MYLK: variants seen among roughly 807,000 people sequenced by gnomAD.
The protein encoded by MYLK is myosin light chain kinase.
MYLK carries 106 observed loss-of-function variants against 203.4 expected under a neutral mutation model. The ratio of observed to expected loss-of-function variants is 0.52; its 90% confidence interval spans 0.45 to 0.61. The LOEUF is 0.61. Ranked by LOEUF, MYLK falls within the 20% of genes least tolerant of loss-of-function variation. The pLI is 0.00. For synonymous variants in MYLK, 867 were observed against 959.5 expected, an observed-to-expected ratio of 0.90 and a Z score of 1.78; for missense variants, 2,072 against 2,442.3, an observed-to-expected ratio of 0.85 and a Z score of 3.20.
At chr3:123,758,064 A>G (rs973865461) in intron 4 of MYLK, among the ~76,000 whole-genome samples, 5 of 151,776 alleles carry the variant, frequency 3.3e-5, no homozygotes, top group Admixed American at 2.6e-4. Flanking sequence ...AAAAAAAAAA[A>G]GAAGGAAAAC....
intron 18 of MYLK, 30 bp from the exon 19 acceptor site, chr3:123,692,881 G>A: frequency 6.3e-7 from 1 of 1,589,388 alleles, no homozygotes; most frequent in Non-Finnish European, 8.6e-7. Context: ...GAGTGAACCA[G>A]GTGTGGTCGT....
At chr3:123,782,890 T>C (rs572202871) in intron 4 of MYLK, among the ~76,000 whole-genome samples, 1 of 152,316 alleles carries the variant, frequency 6.6e-6, no homozygotes, top group South Asian at 2.1e-4. Context: ...TTCATACAGT[T>C]CCAAATCCTC....
intron 24 of MYLK, among the ~76,000 whole-genome samples, chr3:123,656,493 C>T (rs1248770500): frequency 6.6e-6 from 1 of 152,204 alleles, no homozygotes; most frequent in Non-Finnish European, 1.5e-5. Context: ...GCTTTGTAAC[C>T]TTTGCTCATG....
rs41431347 is a variant in MYLK at position 123,649,196 on chromosome 3, T to TGG, written c.4289-4_4289-3dup. On this transcript the variant is annotated splice_polypyrimidine_tract_variant and splice_region_variant and intron_variant, in intron 24 of 33. Coordinates refer to ENST00000360304, the MANE Select transcript of MYLK (RefSeq NM_053025.4). ...ACACCTCCACTTCATCCTTCGGCTC[T>TGG]GGGGGGGGCACAAGGAAGGACAGAG... 9.0e-5 allele frequency: 145 copies of TGG among 1,607,750 alleles called. 1 individual carries two copies. In the Middle Eastern group the frequency reaches 2.5e-3, roughly 28 times the overall value.
intron 1 of MYLK, among the ~76,000 whole-genome samples, chr3:123,879,303 G>A (rs1410420980): frequency 1.3e-5 from 2 of 152,118 alleles, no homozygotes; most frequent in South Asian, 2.1e-4. Context: ...TAAACCTCAG[G>A]ACAAGCACAC....
At chr3:123,689,169 T>G (rs566611891) in intron 19 of MYLK, among the ~76,000 whole-genome samples, 1 of 152,246 alleles carries the variant, frequency 6.6e-6, no homozygotes, top group South Asian at 2.1e-4. Context: ...TACCAAAAGC[T>G]GGATGCCCTG....
chr3:123,617,632 ACTGTG>A (rs1471876997), intron 33 of MYLK: 5 of 152,226 alleles, frequency 3.3e-5, no homozygotes, highest in African/African-American at 1.2e-4. Context: ...TGACTGCTGT[ACTGTG>A]CTATGCGGCC....
chr3:123,836,528 T>C (rs1421014731), intron 2 of MYLK, among the ~76,000 whole-genome samples: 1 of 152,156 alleles, frequency 6.6e-6, no homozygotes, highest in Non-Finnish European at 1.5e-5. Context: ...GTGTTCTGAG[T>C]GTCTGGAAAC....
At chr3:123,698,966 C>A (rs1018979053) in intron 18 of MYLK, 9 of 152,286 alleles carry the variant, frequency 5.9e-5, no homozygotes, top group African/African-American at 2.2e-4. Flanking sequence ...CCTCAGCTGA[C>A]TCAGATTTGA....
rs142657642 is a variant in MYLK at position 123,867,566 on chromosome 3, C to A, written c.-127+8993G>T. ...TGCAGAGACTGGAGTGATACACATG[C>A]ACCCAAGGAATGCCAAGGACTGCTG... is the stretch of plus-strand genomic sequence containing the variant. On this transcript the variant is annotated intron_variant, in intron 2 of 33. Transcript: ENST00000360304. Among the ~76,000 whole-genome samples the A allele has an allele frequency of 2.0e-5, 3 of 151,954 alleles. No homozygotes were observed. The East Asian group carries it at 5.8e-4, about 29-fold the overall frequency.
rs148250104 is a variant in MYLK, at chr3:123,705,724, G to C, written c.2390+2030C>G. 3.4e-3 allele frequency among the ~76,000 whole-genome samples: 523 copies of C among 152,164 alleles called. 5 individuals carry two copies. Among genetic ancestry groups the C allele is most frequent in the Middle Eastern group, 0.014 (4 of 294 alleles). ...CAAACTTCCCACAGCCCTTTGCTTG[G>C]CTCTGCCCCCACCCCACCCTTTCTT... is the stretch of plus-strand genomic sequence containing the variant. On this transcript the variant is annotated intron_variant, in intron 16 of 33. Transcript: ENST00000360304.
chr3:123,793,899 T>C, intron 3 of MYLK, 55 bp from the exon 4 acceptor site: 2 of 1,602,738 alleles, frequency 1.2e-6, no homozygotes, highest in Non-Finnish European at 1.7e-6. Context: ...CAGCCCTGTC[T>C]TCCCTTCAGG....
chr3:123,620,393 G>C (rs778168311), intron 31 of MYLK, 57 bp from the exon 32 acceptor site: 25 of 1,612,178 alleles, frequency 1.6e-5, no homozygotes, highest in Non-Finnish European at 2.1e-5. Context: ...CAGCTGGGTA[G>C]TGCGAGGGGC....
At chr3:123,699,741 A>T (rs1189020412) in intron 18 of MYLK, among the ~76,000 whole-genome samples, 1 of 152,190 alleles carries the variant, frequency 6.6e-6, no homozygotes, top group Admixed American at 6.5e-5. Flanking sequence ...GCTCTGCCAG[A>T]TGGGTGCCGA....
At chr3:123,698,906 GC>G (rs1336513649) in intron 18 of MYLK, 1 of 151,948 alleles carries the variant, frequency 6.6e-6, no homozygotes, top group East Asian at 2.0e-4. Context: ...TGGGGAGGGT[GC>G]TGCCAGGGGC....
intron 4 of MYLK, among the ~76,000 whole-genome samples, chr3:123,762,512 G>A (rs2063568453): frequency 6.6e-6 from 1 of 152,146 alleles, no homozygotes; most frequent in African/African-American, 2.4e-5. Context: ...GATTACAGGT[G>A]TGAGCCACTG....
intron 4 of MYLK, among the ~76,000 whole-genome samples, chr3:123,788,598 T>C (rs1386209013): frequency 2.8e-5 from 4 of 142,010 alleles, no homozygotes; most frequent in African/African-American, 1.0e-4. Context: ...CCATGTGTTC[T>C]CATTGTTAAA....
Position 123,666,242 on chromosome 3 carries a change from T to A in MYLK, c.3808A>T (p.Thr1270Ser), listed in dbSNP as rs2059730206. Residue 1270 changes from threonine to serine, a missense_variant, in exon 22 of 34, where the codon ACC (threonine) becomes TCC (serine). By Grantham distance (58) the Thr-to-Ser change is moderately conservative. Transcript: ENST00000360304. ...KVTGTQPITC[T>S]WMKFRKQIQE... ...ACCTGCTTTCGGAACTTCATCCAGGTACAGGTGATGGGCTGAGTGCCTGTC... is the reference window on the plus strand; with the variant it reads ...ACCTGCTTTCGGAACTTCATCCAGGAACAGGTGATGGGCTGAGTGCCTGTC... 3 of 1,614,066 alleles carry A rather than the reference T, an allele frequency of 1.9e-6. No individual in the cohort carries two copies. Among genetic ancestry groups the A allele is most frequent in the Non-Finnish European group, 2.5e-6 (3 of 1,180,026 alleles).
chr3:123,875,727 A>T (rs978739880), intron 2 of MYLK, among the ~76,000 whole-genome samples: 1 of 152,174 alleles, frequency 6.6e-6, no homozygotes, highest in African/African-American at 2.4e-5. Context: ...TTGAAAAGAA[A>T]AGTTATTGTG....
Sources: gnomAD v4.1 joint callset for allele counts (sites outside exome capture counted in the v4.1 genomes callset) on GRCh38, gnomAD v4.1.1 for gene constraint, MANE v1.5 for transcripts, NCBI Gene and HGNC (gene_info 2026-07-23, HGNC 2026-07-21) for gene names.